Variants in EVL observed in about 807,000 individuals in gnomAD.
The protein encoded by EVL is Enah/Vasp-like.
EVL carries 21 observed loss-of-function variants against 59.6 expected under a neutral mutation model. That is an observed-to-expected ratio of 0.35 (90% CI 0.25 to 0.51). The LOEUF (loss-of-function observed/expected upper bound fraction) is 0.51, where lower values mean the gene tolerates loss of function less well. Among genes scored for constraint, EVL ranks in the 20% least tolerant of loss-of-function variants. The probability of loss-of-function intolerance (pLI) is 0.97; values close to 1 mark genes in which losing one functional copy is unlikely to be tolerated. For synonymous variants in EVL, 198 were observed against 203.5 expected (o/e 0.97, Z 0.23); for missense variants, 462 against 546.6 (o/e 0.85, Z 1.54).
At chr14:100,082,738 G>A (rs2062338845) in intron 1 of EVL, among the ~76,000 whole-genome samples, 1 of 152,232 alleles carries the variant, frequency 6.6e-6, no homozygotes, top group South Asian at 2.1e-4. Context: ...TCAAAAGTCT[G>A]CGAAAGGAGA....
At chr14:100,032,935 CTT>C (rs879541920) in intron 1 of EVL, among the ~76,000 whole-genome samples, 3 of 146,698 alleles carry the variant, frequency 2.0e-5, no homozygotes, top group Admixed American at 6.8e-5. Flanking sequence ...TTTTTATTAC[CTT>C]TTTTTTTTTA....
At chr14:100,038,971 G>T (rs1161090147) in intron 1 of EVL, among the ~76,000 whole-genome samples, 1 of 152,100 alleles carries the variant, frequency 6.6e-6, no homozygotes, top group Non-Finnish European at 1.5e-5. Flanking sequence ...TCCTTCTGCA[G>T]CCATGACCCA....
intron 1 of EVL, among the ~76,000 whole-genome samples, chr14:100,007,335 G>A (rs186823069): frequency 2.6e-5 from 4 of 152,236 alleles, no homozygotes; most frequent in Admixed American, 1.3e-4. Flanking sequence ...TCCAGAGGAG[G>A]CAAATCAGAT....
chr14:99,978,401 CA>C (rs1424220347), intron 1 of EVL, among the ~76,000 whole-genome samples: 3,299 of 97,806 alleles, frequency 0.034, 100 homozygotes, highest in African/African-American at 0.1. Flanking sequence ...GACTCTGTCT[CA>C]AAAAAAAAAA....
upstream of EVL, among the ~76,000 whole-genome samples, chr14:100,064,701 G>A (rs563838117): frequency 2.0e-3 from 310 of 152,220 alleles, 1 homozygote; most frequent in African/African-American, 7.1e-3. Flanking sequence ...ACCTGAGGTC[G>A]GGAGTTCGTG....
At chr14:100,122,958 C>G (rs1887794354) in intron 3 of EVL, among the ~76,000 whole-genome samples, 1 of 152,184 alleles carries the variant, frequency 6.6e-6, no homozygotes, top group South Asian at 2.1e-4. Flanking sequence ...TCCTTCCCAC[C>G]CGCAGCTCCA....
At chr14:100,129,498 C>A in intron 6 of EVL, 65 bp from the exon 7 acceptor site, 1 of 1,604,958 alleles carries the variant, frequency 6.2e-7, no homozygotes, top group African/African-American at 1.3e-5. Context: ...CATCCCCTCA[C>A]ATCGTTGCTG....
At chr14:100,107,082 A>G (rs1045929757) in intron 3 of EVL, 1 of 398,614 alleles carries the variant, frequency 2.5e-6, no homozygotes, top group Non-Finnish European at 4.4e-6. Context: ...GTGGCAGTTC[A>G]CATGACACGA....
In EVL at chr14:100,068,932, A is replaced by C. The variant is rs150411455; in HGVS notation, c.11+3421A>C. Among the ~76,000 whole-genome samples the C allele has an allele frequency of 1.0e-3, 156 of 152,168 alleles. 3 individuals are homozygous for C. The East Asian group carries it at 0.029, about 28-fold the overall frequency. On this transcript the variant is annotated intron_variant, in intron 1 of 13. Coordinates refer to ENST00000392920, the MANE Select transcript of EVL (RefSeq NM_016337.3). ...CTGCCACTTTTGGGGCCAGCCAGTT[A>C]ATTTCGTTTCCTTCCCTGGTCTCTC...
chr14:100,131,307 C>T (rs1486258341), intron 7 of EVL, among the ~76,000 whole-genome samples: 1 of 152,200 alleles, frequency 6.6e-6, no homozygotes, highest in Non-Finnish European at 1.5e-5. Context: ...CAGTGAGATG[C>T]CAGATGCCGG....
intron 1 of EVL, among the ~76,000 whole-genome samples, chr14:99,994,114 T>C (rs2060895754): frequency 1.0e-5 from 1 of 97,210 alleles, no homozygotes; most frequent in Non-Finnish European, 2.0e-5. Flanking sequence ...CCTTTTGGCT[T>C]TTTTTTTTTT....
intron 1 of EVL, among the ~76,000 whole-genome samples, chr14:99,984,346 T>C (rs1043128788): frequency 6.6e-6 from 1 of 152,210 alleles, no homozygotes; most frequent in Admixed American, 6.5e-5. Flanking sequence ...TCCCAGATGT[T>C]TCTCAAACTT....
intron 1 of EVL, among the ~76,000 whole-genome samples, chr14:100,034,934 C>G (rs2061367052): frequency 3.3e-5 from 5 of 152,126 alleles, no homozygotes; most frequent in Admixed American, 3.3e-4. Flanking sequence ...GCTTAGTAAA[C>G]AGTAAAGCTT....
At position 100,143,790 on chromosome 14, in the gene EVL, A is replaced by G. The variant is rs58103906; in HGVS notation, c.*52A>G. The G allele has an allele frequency of 5.2e-3, 8,330 of 1,593,684 alleles. 395 individuals are homozygous for G. The African/African-American group carries it at 0.1, about 19-fold the overall frequency. Reference sequence around the variant, plus strand: ...TCGAGCCCATCCGGCGACAGAGGACAGCCAGAAGCCCAGCCAGCCCCAGAC... The same window carrying G: ...TCGAGCCCATCCGGCGACAGAGGACGGCCAGAAGCCCAGCCAGCCCCAGAC... On this transcript the variant is annotated 3_prime_UTR_variant, in exon 14 of 14. Transcript: ENST00000392920.
At chr14:100,142,404 C>G (rs1458372973) in intron 13 of EVL, among the ~76,000 whole-genome samples, 1 of 152,218 alleles carries the variant, frequency 6.6e-6, no homozygotes, top group Non-Finnish European at 1.5e-5. Context: ...AATGCTCTGC[C>G]TCAGATCTGC....
intron 3 of EVL, among the ~76,000 whole-genome samples, chr14:100,098,339 G>T (rs7160351): frequency 6.6e-6 from 1 of 152,102 alleles, no homozygotes. Context: ...CATCGCAGGC[G>T]GGAAAAGCAG....
intron 3 of EVL, chr14:100,107,085 TGACAC>T: frequency 2.5e-6 from 1 of 398,744 alleles, no homozygotes; most frequent in East Asian, 3.6e-5. Flanking sequence ...GCAGTTCACA[TGACAC>T]GAAGATGCCC....
chr14:99,996,228 T>C (rs1017034706), intron 1 of EVL, among the ~76,000 whole-genome samples: 6 of 152,146 alleles, frequency 3.9e-5, no homozygotes, highest in Admixed American at 2.6e-4. Flanking sequence ...CATGAACTTT[T>C]CTGCTGGCTT....
At chr14:99,983,869 G>A (rs975750978) in intron 1 of EVL, among the ~76,000 whole-genome samples, 1 of 152,034 alleles carries the variant, frequency 6.6e-6, no homozygotes, top group African/African-American at 2.4e-5. Context: ...TTACCTTTGT[G>A]ATATCCCATA....
Sources: gnomAD v4.1 joint callset for allele counts (sites outside exome capture counted in the v4.1 genomes callset) on GRCh38, gnomAD v4.1.1 for gene constraint, MANE v1.5 for transcripts, NCBI Gene and HGNC (gene_info 2026-07-23, HGNC 2026-07-21) for gene names.